FHIT: variants seen among roughly 807,000 people sequenced by gnomAD.
FHIT encodes the protein bis(5'-adenosyl)-triphosphatase.
In FHIT, 19 loss-of-function variants were observed where a neutral mutation model predicts 17.9. The observed-to-expected ratio is 1.06, with a 90% CI of 0.74 to 1.56. The LOEUF is 1.56. Ranked by LOEUF, FHIT falls within the 40% of genes most tolerant of loss-of-function variation. The pLI is 0.00. For missense variants in FHIT, 248 were observed against 189.2 expected, an observed-to-expected ratio of 1.31 and a Z score of -1.82; for synonymous variants, 81 against 69.7, an observed-to-expected ratio of 1.16 and a Z score of -0.81.
At chr3:61,087,297 A>G (rs544602425) in intron 2 of FHIT, among the ~76,000 whole-genome samples, 1 of 152,310 alleles carries the variant, frequency 6.6e-6, no homozygotes, top group East Asian at 1.9e-4. Context: ...TAAAGAGAAC[A>G]ACAAACTAAG....
intron 5 of FHIT, among the ~76,000 whole-genome samples, chr3:60,404,538 A>G (rs1366130350): frequency 6.6e-6 from 1 of 152,150 alleles, no homozygotes; most frequent in Admixed American, 6.5e-5. Context: ...TCAGATGCTC[A>G]TTCACAGGAC....
At chr3:61,142,463 G>T (rs1025475979) in intron 2 of FHIT, among the ~76,000 whole-genome samples, 3 of 144,464 alleles carry the variant, frequency 2.1e-5, no homozygotes, top group Non-Finnish European at 3.2e-5. Context: ...GTGGGAAAAA[G>T]ATACCAGGGT....
chr3:60,197,252 C>G (rs75875649), intron 5 of FHIT, among the ~76,000 whole-genome samples: 2 of 151,926 alleles, frequency 1.3e-5, no homozygotes, highest in East Asian at 3.9e-4. Flanking sequence ...TGTGACTAGT[C>G]CAAACTGAGA....
At chr3:60,571,335 C>CAATAAAAAAAAAAAAA in intron 4 of FHIT, among the ~76,000 whole-genome samples, 1 of 54,672 alleles carries the variant, frequency 1.8e-5, no homozygotes, top group Non-Finnish European at 3.2e-5. Context: ...GACTCCATCG[C>CAATAAAAAAAAAAAAA]AAAAAAAAAA....
intron 3 of FHIT, among the ~76,000 whole-genome samples, chr3:60,869,942 G>A (rs117156573): frequency 1.3e-5 from 2 of 152,094 alleles, no homozygotes; most frequent in Non-Finnish European, 2.9e-5. Flanking sequence ...TTACCATTTA[G>A]TGTGGATTCT....
chr3:60,959,009 G>A (rs1709293716), intron 3 of FHIT, among the ~76,000 whole-genome samples: 1 of 152,184 alleles, frequency 6.6e-6, no homozygotes, highest in Non-Finnish European at 1.5e-5. Context: ...CAGGGAATTT[G>A]CCAAATGAAA....
rs539993254 is a variant in FHIT, at chr3:59,910,881, A to G, written c.348+11465T>C. Among the ~76,000 whole-genome samples, 6 of 152,248 alleles carry G rather than the reference A, an allele frequency of 3.9e-5. No homozygotes were observed. In the East Asian group the frequency reaches 1.2e-3, roughly 29 times the overall value. ...TTTTGGTGACTCCAAATTAGGAAAG[A>G]TGGGAAAAAAAAGAAGGAAAAAAAA... On this transcript the variant is annotated intron_variant, in intron 8 of 9. Coordinates refer to ENST00000492590, the MANE Select transcript of FHIT (RefSeq NM_002012.4).
chr3:60,037,305 A>G (rs1381057265), intron 5 of FHIT, among the ~76,000 whole-genome samples: 2 of 152,188 alleles, frequency 1.3e-5, no homozygotes, highest in Non-Finnish European at 2.9e-5. Flanking sequence ...CATACTGCCA[A>G]ATAGGCACTA....
At chr3:59,884,060 G>C (rs1027342327) in intron 8 of FHIT, among the ~76,000 whole-genome samples, 31 of 152,150 alleles carry the variant, frequency 2.0e-4, no homozygotes, top group African/African-American at 6.5e-4. Context: ...AAGCACACCT[G>C]TTTTGTCAGT....
intron 5 of FHIT, among the ~76,000 whole-genome samples, chr3:60,255,242 C>T (rs1334939110): frequency 6.6e-6 from 1 of 152,086 alleles, no homozygotes; most frequent in East Asian, 1.9e-4. Context: ...CTCTATCACA[C>T]CTCAGATGAG....
chr3:60,129,053 G>GTTTTTT (rs72428863), intron 5 of FHIT, among the ~76,000 whole-genome samples: 10 of 123,464 alleles, frequency 8.1e-5, no homozygotes, highest in Non-Finnish European at 9.6e-5. Flanking sequence ...TTTTTTGTTT[G>GTTTTTT]TTTTTTTTTT....
At chr3:60,447,279 G>C (rs1470932565) in intron 5 of FHIT, among the ~76,000 whole-genome samples, 2 of 152,044 alleles carry the variant, frequency 1.3e-5, no homozygotes, top group East Asian at 1.9e-4. Context: ...CTCTAATTTA[G>C]CCAAAAGCAG....
chr3:61,027,454 T>C (rs1406941036), intron 3 of FHIT, among the ~76,000 whole-genome samples: 2 of 152,252 alleles, frequency 1.3e-5, no homozygotes, highest in Non-Finnish European at 2.9e-5. Context: ...GTGGAAACAC[T>C]ACATAATAGA....
intron 7 of FHIT, among the ~76,000 whole-genome samples, chr3:59,947,553 T>C (rs568557766): frequency 4.6e-5 from 7 of 152,306 alleles, no homozygotes; most frequent in Admixed American, 1.3e-4. Context: ...GGTTTGATTA[T>C]GGTATAAGAG....
At chr3:61,003,660 T>C (rs957866114) in intron 3 of FHIT, among the ~76,000 whole-genome samples, 2 of 152,188 alleles carry the variant, frequency 1.3e-5, no homozygotes, top group African/African-American at 4.8e-5. Context: ...AATATCAATA[T>C]CCAGTACTTG....
At chr3:59,961,702 G>A (rs1192719182) in intron 7 of FHIT, among the ~76,000 whole-genome samples, 5 of 152,230 alleles carry the variant, frequency 3.3e-5, no homozygotes, top group Admixed American at 2.0e-4. Context: ...CAAGTGAGGC[G>A]ACACCCCACC....
At chr3:61,045,964 A>G (rs538660740) in intron 2 of FHIT, among the ~76,000 whole-genome samples, 7 of 152,352 alleles carry the variant, frequency 4.6e-5, no homozygotes, top group Non-Finnish European at 8.8e-5. Flanking sequence ...GCAACATACT[A>G]GAATCTCTGG....
chr3:60,970,013 G>A (rs1407650220), intron 3 of FHIT, among the ~76,000 whole-genome samples: 1 of 152,020 alleles, frequency 6.6e-6, no homozygotes, highest in Non-Finnish European at 1.5e-5. Flanking sequence ...TTGTAGAGAT[G>A]GGGTTTCGCC....
At chr3:59,988,303 C>T (rs890096349) in intron 7 of FHIT, among the ~76,000 whole-genome samples, 4 of 152,090 alleles carry the variant, frequency 2.6e-5, no homozygotes, top group African/African-American at 7.2e-5. Flanking sequence ...TAGGAAGCTT[C>T]GTGACTTACT....
Sources: gnomAD v4.1 joint callset for allele counts (sites outside exome capture counted in the v4.1 genomes callset) on GRCh38, gnomAD v4.1.1 for gene constraint, MANE v1.5 for transcripts, NCBI Gene and HGNC (gene_info 2026-07-23, HGNC 2026-07-21) for gene names.